Variants in ERBB4 observed in about 807,000 individuals in gnomAD.
The protein encoded by ERBB4 is receptor tyrosine-protein kinase erbB-4.
Under a neutral mutation model 158.0 loss-of-function variants are expected in ERBB4, and 42 were observed. The observed-to-expected ratio is 0.27, with a 90% CI of 0.21 to 0.34. The LOEUF is 0.34. Ranked by LOEUF, ERBB4 falls within the 10% of genes least tolerant of loss-of-function variation. The pLI is 1.00. For synonymous variants in ERBB4, 583 were observed against 558.7 expected (o/e 1.04, Z -0.61); for missense variants, 1,333 against 1,624.1 (o/e 0.82, Z 3.08).
intron 20 of ERBB4, among the ~76,000 whole-genome samples, chr2:211,475,757 T>C (rs978212681): frequency 1.3e-5 from 2 of 152,026 alleles, no homozygotes; most frequent in Admixed American, 1.3e-4. Flanking sequence ...AAATCAATCA[T>C]CTGAAAAGGA....
In ERBB4 at chr2:211,725,072, A is replaced by G. The variant is rs765993260; in HGVS notation, c.741+4T>C. On this transcript the variant is annotated splice_donor_region_variant and intron_variant, in intron 6 of 27. Transcript: ENST00000342788. ...ATAATAAAAGAGAGAAATCACAGAC[A>G]TACAAAGCAGTCTGTGTCCTTAGGT... The G allele has an allele frequency of 1.3e-6, 2 of 1,572,344 alleles. No individual in the cohort carries two copies. The highest frequency in any genetic ancestry group is 1.8e-6 in the Non-Finnish European group (2 of 1,141,820).
rs1288257134 is a variant in ERBB4 at position 212,373,797 on chromosome 2, A to C, written c.82+164652T>G. ...TCCATGTATATATCCACGTATATAT[A>C]TCCATATATATATCCATGTATATAT... On this transcript the variant is annotated intron_variant, in intron 1 of 27. Transcript: ENST00000342788. Among the ~76,000 whole-genome samples, 11 of 123,132 alleles carry C rather than the reference A, an allele frequency of 8.9e-5. 2 individuals are homozygous for C. Among genetic ancestry groups the C allele is most frequent in the South Asian group, 8.5e-4 (3 of 3,510 alleles). The allele number at this position is 123,132 out of a possible 152,430, so 80.8% of individuals were successfully genotyped here.
chr2:211,800,100 T>G (rs767637244), intron 3 of ERBB4, among the ~76,000 whole-genome samples: 104 of 152,268 alleles, frequency 6.8e-4, no homozygotes, highest in East Asian at 7.7e-4. Context: ...AAAGGCATAG[T>G]AAGTGAGACA....
At chr2:211,526,822 C>G (rs990983564) in intron 20 of ERBB4, among the ~76,000 whole-genome samples, 3 of 151,964 alleles carry the variant, frequency 2.0e-5, no homozygotes, top group Admixed American at 1.3e-4. Flanking sequence ...GCATCAGTCT[C>G]TTAATAGCAG....
intron 1 of ERBB4, among the ~76,000 whole-genome samples, chr2:212,191,943 C>CATATGTT (rs2082256711): frequency 3.1e-5 from 3 of 96,232 alleles, no homozygotes; most frequent in African/African-American, 1.1e-4. Flanking sequence ...ATATATGATG[C>CATATGTT]ATATGTTATA....
At chr2:212,347,751 G>A (rs1192869092) in intron 1 of ERBB4, among the ~76,000 whole-genome samples, 1 of 152,000 alleles carries the variant, frequency 6.6e-6, no homozygotes, top group Non-Finnish European at 1.5e-5. Context: ...TTAGATTTTG[G>A]ATTTTGCATT....
intron 5 of ERBB4, among the ~76,000 whole-genome samples, chr2:211,747,164 T>A (rs1032938558): frequency 6.6e-6 from 1 of 152,182 alleles, no homozygotes. Flanking sequence ...GAGAGAGAAT[T>A]TGACTGGCCC....
intron 5 of ERBB4, among the ~76,000 whole-genome samples, chr2:211,726,206 C>A (rs1470334668): frequency 6.6e-6 from 1 of 152,166 alleles, no homozygotes; most frequent in Non-Finnish European, 1.5e-5. Flanking sequence ...TATCAAGACT[C>A]TGCCTCATAA....
chr2:212,475,261 G>C (rs1448929481), intron 1 of ERBB4, among the ~76,000 whole-genome samples: 1 of 152,120 alleles, frequency 6.6e-6, no homozygotes, highest in Non-Finnish European at 1.5e-5. Flanking sequence ...TGTGCTCTCA[G>C]TTGTTCTCTG....
chr2:212,128,213 T>C (rs1465119533), intron 1 of ERBB4, among the ~76,000 whole-genome samples: 2 of 152,218 alleles, frequency 1.3e-5, no homozygotes, highest in African/African-American at 4.8e-5. Flanking sequence ...AAATCTTTAA[T>C]ATCCATTTTC....
At position 212,061,232 on chromosome 2, in the gene ERBB4, G is replaced by A. The variant is rs142069824; in HGVS notation, c.234+63520C>T. On this transcript the variant is annotated intron_variant, in intron 2 of 27. Coordinates refer to ENST00000342788, the MANE Select transcript of ERBB4 (RefSeq NM_005235.3). ...AGCATTTTGGGAGGCTGAGGTGGGC[G>A]GATCACTTGAGGCCAGGAGTTTGAG... Among the ~76,000 whole-genome samples the A allele has an allele frequency of 6.3e-3, 952 of 151,370 alleles. 10 individuals are homozygous for A. The highest frequency in any genetic ancestry group is 0.022 in the African/African-American group (900 of 41,334).
chr2:212,274,439 C>A (rs1014547681), intron 1 of ERBB4, among the ~76,000 whole-genome samples: 4 of 151,858 alleles, frequency 2.6e-5, no homozygotes, highest in African/African-American at 9.7e-5. Context: ...ACTGCTCATG[C>A]TGAGATGATT....
At chr2:212,399,728 T>A (rs2091146406) in intron 1 of ERBB4, among the ~76,000 whole-genome samples, 1 of 75,634 alleles carries the variant, frequency 1.3e-5, no homozygotes, top group African/African-American at 6.0e-5. Flanking sequence ...AAAAAAAAAT[T>A]AGCCTGCTGG....
At chr2:212,429,957 G>C (rs1484337674) in intron 1 of ERBB4, among the ~76,000 whole-genome samples, 1 of 152,194 alleles carries the variant, frequency 6.6e-6, no homozygotes. Flanking sequence ...AGTTGGAAGA[G>C]AGGCAGAAGT....
At chr2:212,392,748 T>C (rs1236576931) in intron 1 of ERBB4, among the ~76,000 whole-genome samples, 9 of 152,190 alleles carry the variant, frequency 5.9e-5, no homozygotes, top group African/African-American at 2.2e-4. Context: ...AATAATCACA[T>C]ATTGCTTGCA....
intron 3 of ERBB4, among the ~76,000 whole-genome samples, chr2:211,851,850 A>C (rs2077729557): frequency 6.6e-6 from 1 of 151,914 alleles, no homozygotes; most frequent in African/African-American, 2.4e-5. Flanking sequence ...AAAGCTAAAG[A>C]GATATGAGCA....
intron 2 of ERBB4, among the ~76,000 whole-genome samples, chr2:212,048,649 TTC>T (rs1302421305): frequency 6.6e-6 from 1 of 152,036 alleles, no homozygotes; most frequent in Non-Finnish European, 1.5e-5. Flanking sequence ...GAGTTGAGAA[TTC>T]TGTTTTGACT....
intron 1 of ERBB4, among the ~76,000 whole-genome samples, chr2:212,187,314 C>A (rs1343213227): frequency 1.3e-5 from 2 of 151,850 alleles, no homozygotes; most frequent in Non-Finnish European, 1.5e-5. Context: ...AGAAAATATA[C>A]CTAATGCTAG....
At chr2:211,701,347 G>A (rs1189052785) in intron 12 of ERBB4, among the ~76,000 whole-genome samples, 2 of 152,072 alleles carry the variant, frequency 1.3e-5, no homozygotes, top group Non-Finnish European at 2.9e-5. Context: ...CAATAGGGTC[G>A]ATCTCCACAA....
Sources: gnomAD v4.1 joint callset for allele counts (sites outside exome capture counted in the v4.1 genomes callset) on GRCh38, gnomAD v4.1.1 for gene constraint, MANE v1.5 for transcripts, NCBI Gene and HGNC (gene_info 2026-07-23, HGNC 2026-07-21) for gene names.